Variants in DPP6 observed in about 807,000 individuals in gnomAD.
DPP6 encodes the protein dipeptidyl peptidase like 6.
In DPP6, 69 loss-of-function variants were observed where a neutral mutation model predicts 122.6. That is an observed-to-expected ratio of 0.56 (90% CI 0.46 to 0.69). DPP6 has a LOEUF of 0.69. Among genes scored for constraint, DPP6 ranks in the 30% least tolerant of loss-of-function variants. DPP6 has a pLI of 0.00. For missense variants in DPP6, 928 were observed against 1,116.9 expected (o/e 0.83, Z 2.41); for synonymous variants, 418 against 433.1 (o/e 0.97, Z 0.43).
chr7:153,804,850 C>G, the DPP6 span, among the ~76,000 whole-genome samples: 1 of 151,956 alleles, frequency 6.6e-6, no homozygotes, highest in Admixed American at 6.6e-5. Context: ...CACCATTGCA[C>G]TCCAGCCTGG....
intron 1 of DPP6, among the ~76,000 whole-genome samples, chr7:154,352,056 G>A (rs1042685513): frequency 1.3e-5 from 2 of 152,010 alleles, no homozygotes; most frequent in East Asian, 1.9e-4. Flanking sequence ...CAGCACTGGC[G>A]GCCAGTGCTG....
chr7:153,854,951 A>T, the DPP6 span, among the ~76,000 whole-genome samples: 1 of 146,066 alleles, frequency 6.8e-6, no homozygotes, highest in African/African-American at 2.5e-5. Flanking sequence ...ACATGGATGA[A>T]ATTGGAAATC....
chr7:154,596,611 A>T (rs7384037), intron 5 of DPP6, among the ~76,000 whole-genome samples: 1 of 151,986 alleles, frequency 6.6e-6, no homozygotes, highest in East Asian at 1.9e-4. Flanking sequence ...AGGAGGCCTC[A>T]GAGTACTTTG....
chr7:154,587,149 G>T, intron 5 of DPP6: 1 of 155,594 alleles, frequency 6.4e-6, no homozygotes, highest in Non-Finnish European at 1.4e-5. Flanking sequence ...TCAAAGCTTC[G>T]CTATTAATCC....
intron 1 of DPP6, among the ~76,000 whole-genome samples, chr7:154,401,746 T>C (rs1465916915): frequency 1.3e-5 from 2 of 151,968 alleles, no homozygotes; most frequent in South Asian, 2.1e-4. Context: ...AATTGACAAA[T>C]GGGATCTAAT....
At chr7:154,729,230 G>T (rs1242040446) in intron 8 of DPP6, among the ~76,000 whole-genome samples, 1 of 152,150 alleles carries the variant, frequency 6.6e-6, no homozygotes, top group Admixed American at 6.5e-5. Context: ...GCCTGAAACC[G>T]TGTGGTCACA....
chr7:154,184,020 A>G (rs763277622), intron 1 of DPP6, among the ~76,000 whole-genome samples: 7 of 152,010 alleles, frequency 4.6e-5, no homozygotes, highest in African/African-American at 7.2e-5. Context: ...CCAAATCTCT[A>G]TTTTTCTGAG....
chr7:154,285,663 T>A (rs1804803450), intron 1 of DPP6, among the ~76,000 whole-genome samples: 1 of 152,220 alleles, frequency 6.6e-6, no homozygotes, highest in Non-Finnish European at 1.5e-5. Flanking sequence ...GCAGGCCACA[T>A]GGCCACCTAA....
intron 3 of DPP6, among the ~76,000 whole-genome samples, chr7:154,521,741 T>C (rs769801175): frequency 2.0e-5 from 3 of 152,202 alleles, no homozygotes; most frequent in Non-Finnish European, 4.4e-5. Flanking sequence ...AAAATAGATA[T>C]TGTGGTATCA....
the DPP6 span, among the ~76,000 whole-genome samples, chr7:153,786,820 T>C: frequency 7.1e-6 from 1 of 141,300 alleles, no homozygotes; most frequent in Non-Finnish European, 1.6e-5. Context: ...ATATGTATAC[T>C]AATATTCTGG....
At chr7:154,592,495 T>A (rs2130735789) in intron 5 of DPP6, among the ~76,000 whole-genome samples, 1 of 152,318 alleles carries the variant, frequency 6.6e-6, no homozygotes, top group East Asian at 1.9e-4. Context: ...CGCTCGTGGA[T>A]CTTACATCCT....
chr7:154,396,003 A>G (rs547838629), intron 1 of DPP6, among the ~76,000 whole-genome samples: 2 of 151,248 alleles, frequency 1.3e-5, no homozygotes, highest in Non-Finnish European at 2.9e-5. Flanking sequence ...CTTTTTCTGC[A>G]TCAATTGAGA....
intron 1 of DPP6, among the ~76,000 whole-genome samples, chr7:154,250,074 T>C (rs1802250249): frequency 6.6e-6 from 1 of 152,110 alleles, no homozygotes; most frequent in South Asian, 2.1e-4. Flanking sequence ...TCCGTTCTAA[T>C]TACCGGTGCA....
chr7:154,507,508 G>A (rs1157725529), intron 3 of DPP6, among the ~76,000 whole-genome samples: 2 of 152,170 alleles, frequency 1.3e-5, no homozygotes, highest in African/African-American at 4.8e-5. Flanking sequence ...GGAAAATACA[G>A]AGAAGGGTTA....
chr7:154,080,172 TGG>T (rs1803887093), intron 1 of DPP6, among the ~76,000 whole-genome samples: 1 of 151,982 alleles, frequency 6.6e-6, no homozygotes, highest in African/African-American at 2.4e-5. Flanking sequence ...GGACCCACAG[TGG>T]GAAGTGGGCT....
intron 16 of DPP6, among the ~76,000 whole-genome samples, chr7:154,852,159 G>A (rs1174430582): frequency 6.6e-6 from 1 of 152,228 alleles, no homozygotes; most frequent in Non-Finnish European, 1.5e-5. Flanking sequence ...TGGGATCATA[G>A]CAGATTCCCT....
At chr7:154,398,450 T>A (rs1815281873) in intron 1 of DPP6, among the ~76,000 whole-genome samples, 1 of 152,212 alleles carries the variant, frequency 6.6e-6, no homozygotes, top group African/African-American at 2.4e-5. Flanking sequence ...CCTTTGTTCA[T>A]TTGCACATCA....
chr7:153,872,051 A>G, the DPP6 span, among the ~76,000 whole-genome samples: 1 of 152,182 alleles, frequency 6.6e-6, no homozygotes, highest in Non-Finnish European at 1.5e-5. Flanking sequence ...TTCAAAACTC[A>G]TGCTGTTTTA....
intron 1 of DPP6, among the ~76,000 whole-genome samples, chr7:154,027,221 C>A (rs925965006): frequency 6.0e-5 from 9 of 151,194 alleles, no homozygotes; most frequent in African/African-American, 2.2e-4. Flanking sequence ...TCACTTCCCA[C>A]CAGGAAATAG....
Sources: allele counts gnomAD v4.1 joint callset (sites outside exome capture counted in the v4.1 genomes callset), GRCh38; gene constraint gnomAD v4.1.1; transcripts MANE v1.5; gene names NCBI Gene and HGNC (gene_info 2026-07-23, HGNC 2026-07-21).